Variants in MEI1 observed in about 807,000 individuals in gnomAD.
MEI1 encodes the protein meiotic double-stranded break formation protein 1.
MEI1 carries 103 observed loss-of-function variants against 146.2 expected under a neutral mutation model. The observed-to-expected ratio is 0.70, with a 90% confidence interval of 0.60 to 0.83. The LOEUF (loss-of-function observed/expected upper bound fraction) is 0.83, where lower values mean the gene tolerates loss of function less well. Ranked by LOEUF, MEI1 falls within the 40% of genes least tolerant of loss-of-function variation. MEI1 has a pLI of 0.00. For synonymous variants in MEI1, 652 were observed against 628.2 expected (o/e 1.04, Z -0.57); for missense variants, 1,529 against 1,533.0 (o/e 1.00, Z 0.04).
intron 7 of MEI1, among the ~76,000 whole-genome samples, chr22:41,729,451 G>A (rs1360814078): frequency 1.3e-5 from 2 of 152,202 alleles, no homozygotes; most frequent in Non-Finnish European, 2.9e-5. Context: ...GTTTTACATT[G>A]TGTTCTTTCC....
chr22:41,724,080 G>A lies in MEI1; in HGVS notation c.864+7G>A, dbSNP rs775648273. 3.3e-5 allele frequency: 54 copies of A among 1,613,102 alleles called. 2 individuals carry two copies. The Middle Eastern group carries it at 2.0e-3, about 59-fold the overall frequency. ...GCCTTTGGTGCTCAAAAAGGTAGTT[G>A]TCTTGTGATTCCTGGTCTCTAGGTT... On this transcript the variant is annotated splice_region_variant and intron_variant, in intron 7 of 30. Coordinates refer to ENST00000401548, the MANE Select transcript of MEI1 (RefSeq NM_152513.4).
At position 41,778,697 on chromosome 22, in the gene MEI1, G is replaced by T; in HGVS notation, c.2711-11G>T. The T allele has an allele frequency of 6.3e-7, 1 of 1,589,350 alleles. No individual in the cohort carries two copies. The highest frequency in any genetic ancestry group is 1.3e-5 in the African/African-American group (1 of 74,446). ...TCAGGCTTCTTGCCCAGTCCTCCTT[G>T]TTCTTCACAGCCTCGGGGAACCTAC... On this transcript the variant is annotated splice_polypyrimidine_tract_variant and intron_variant, in intron 21 of 30. Coordinates refer to ENST00000401548, the MANE Select transcript of MEI1 (RefSeq NM_152513.4).
intron 17 of MEI1, among the ~76,000 whole-genome samples, chr22:41,755,070 C>T (rs1054917617): frequency 2.0e-5 from 3 of 152,070 alleles, no homozygotes; most frequent in African/African-American, 7.2e-5. Flanking sequence ...AGTTTTTCCT[C>T]TTGTTGAACA....
chr22:41,727,684 A>G (rs1429003727), intron 7 of MEI1, among the ~76,000 whole-genome samples: 1 of 152,190 alleles, frequency 6.6e-6, no homozygotes. Context: ...ACTCATAGCT[A>G]CGATTTACGG....
chr22:41,795,821 A>G lies in MEI1; in HGVS notation c.3753A>G (p.Ser1251=). 3 of 1,613,638 alleles carry G rather than the reference A, an allele frequency of 1.9e-6. No individual in the cohort carries two copies. The highest frequency in any genetic ancestry group is 2.5e-6 in the Non-Finnish European group (3 of 1,179,736). The change falls in exon 30 of 31, where the codon TCA becomes TCG. Residue 1251 remains serine, a synonymous_variant. Coordinates refer to ENST00000401548, the MANE Select transcript of MEI1 (RefSeq NM_152513.4). This position sits in a 1 kb window ranked among gnomAD's most constrained non-coding sequence, Gnocchi z 4.2. Reference sequence around the variant, plus strand: ...AGGGCCTTCCCCCTAGCACCTCCTCAGGCCAGCCACCCCTGCAGGACATGC... The same window carrying G: ...AGGGCCTTCCCCCTAGCACCTCCTCGGGCCAGCCACCCCTGCAGGACATGC... ...SLEGLPPSTS[S]GQPPLQDMLC...
intron 15 of MEI1, among the ~76,000 whole-genome samples, chr22:41,751,985 A>T (rs2073785741): frequency 6.6e-6 from 1 of 151,448 alleles, no homozygotes; most frequent in Non-Finnish European, 1.5e-5. Flanking sequence ...CAGGAGAATC[A>T]CTTGAACCCG....
chr22:41,792,585 G>C (rs1209873022), intron 26 of MEI1, among the ~76,000 whole-genome samples: 1 of 152,108 alleles, frequency 6.6e-6, no homozygotes, highest in Non-Finnish European at 1.5e-5. Flanking sequence ...GAAGGGGCAG[G>C]TCAGTGGCAG....
intron 3 of MEI1, among the ~76,000 whole-genome samples, chr22:41,712,441 T>C (rs1463240306): frequency 6.6e-6 from 1 of 151,430 alleles, no homozygotes; most frequent in African/African-American, 2.4e-5. Flanking sequence ...TTCACCGTGT[T>C]AGCCAGGATG....
At chr22:41,770,570 G>T in intron 19 of MEI1, 116 bp from the exon 20 acceptor site, 1 of 978,800 alleles carries the variant, frequency 1.0e-6, no homozygotes, top group East Asian at 2.6e-5. Flanking sequence ...AGCTAGCCAA[G>T]GTGTCCTGGA....
rs773220846 is a variant in MEI1, at chr22:41,716,070, C to G, written c.453C>G (p.Ser151Arg). The G allele has an allele frequency of 2.5e-6, 4 of 1,611,492 alleles. No individual in the cohort carries two copies. The highest frequency in any genetic ancestry group is 2.5e-6 in the Non-Finnish European group (3 of 1,178,852). The change falls in exon 5 of 31, where the codon AGC becomes AGG. Residue 151 changes from serine to arginine, a missense_variant. Physicochemically the swap from Ser to Arg is moderately radical, Grantham distance 110. Around this residue, in one of 3 missense-constraint regions of MEI1, gnomAD observed 1,212 missense variants for 1,178.9 expected, o/e 1.03. Transcript: ENST00000401548. The stretch of plus-strand genomic sequence containing the variant: ...GTAACATGCCCTCCATGCGAGGCAG[C>G]CTGGCCACCCTGACCCTTCTTGGCA... Reference protein sequence around the residue: ...ELCNMPSMRGSLATLTLLGKL... With the variant: ...ELCNMPSMRGRLATLTLLGKL...
chr22:41,765,883 CTTTT>C (rs1013045266), intron 19 of MEI1, among the ~76,000 whole-genome samples: 1 of 86,134 alleles, frequency 1.2e-5, no homozygotes, highest in Non-Finnish European at 2.3e-5. Flanking sequence ...CCAAAATGTT[CTTTT>C]TTTTTTTTTT....
At chr22:41,716,265 C>T (rs1332085142) in intron 5 of MEI1, 119 bp downstream of exon 5, 1 of 658,774 alleles carries the variant, frequency 1.5e-6, no homozygotes, top group African/African-American at 1.8e-5. Context: ...CTTTAGCCTT[C>T]AGTTTCCCCG....
intron 25 of MEI1, 73 bp downstream of exon 25, chr22:41,784,493 C>T: frequency 2.5e-6 from 4 of 1,595,620 alleles, no homozygotes; most frequent in South Asian, 1.1e-5. Context: ...GCACCCTGAC[C>T]AGCCAATGGT....
intron 26 of MEI1, among the ~76,000 whole-genome samples, chr22:41,789,480 A>C (rs2076101113): frequency 6.6e-6 from 1 of 152,162 alleles, no homozygotes; most frequent in Admixed American, 6.5e-5. Context: ...TAATTGTAGT[A>C]AACTATATAT....
chr22:41,765,628 AATTTTT>A (rs2148000689), intron 19 of MEI1, among the ~76,000 whole-genome samples: 1 of 152,226 alleles, frequency 6.6e-6, no homozygotes, highest in South Asian at 2.1e-4. Context: ...CAGATTCACC[AATTTTT>A]ATTTTTATCT....
At chr22:41,746,287 G>A (rs527647012) in intron 14 of MEI1, among the ~76,000 whole-genome samples, 61 of 152,288 alleles carry the variant, frequency 4.0e-4, no homozygotes, top group African/African-American at 1.5e-3. Context: ...AGTGGAAAGT[G>A]CCTAATATTC....
In MEI1 at chr22:41,778,741, T is replaced by C; in HGVS notation, c.2744T>C (p.Leu915Pro). The C allele has an allele frequency of 6.2e-7, 1 of 1,608,762 alleles. No homozygotes were observed. The highest frequency in any genetic ancestry group is 8.5e-7 in the Non-Finnish European group (1 of 1,177,690). The change falls in exon 22 of 31, where the codon CTC becomes CCC. Residue 915 changes from leucine to proline, a missense_variant. Leu to Pro is a moderately conservative substitution (Grantham distance 98). Around this residue, in one of 3 missense-constraint regions of MEI1, gnomAD observed 1,212 missense variants for 1,178.9 expected, o/e 1.03. Transcript: ENST00000401548. ...SGNLPLLLSLLSLMQLRNVSE... is the reference protein window; with the variant it reads ...SGNLPLLLSLPSLMQLRNVSE... ...AACCTACCATTGCTGCTGAGCCTCC[T>C]CTCCCTGATGCAGCTCAGGAATGTG... is the stretch of plus-strand genomic sequence containing the variant.
At chr22:41,699,777 G>C in intron 1 of MEI1, 65 bp downstream of exon 1, 1 of 1,489,330 alleles carries the variant, frequency 6.7e-7, no homozygotes, top group Non-Finnish European at 8.9e-7. Flanking sequence ...AACGCGGCCA[G>C]GCCCTTGCCA....
chr22:41,733,368 G>C (rs1164837622), intron 11 of MEI1, among the ~76,000 whole-genome samples: 1 of 152,088 alleles, frequency 6.6e-6, no homozygotes, highest in Non-Finnish European at 1.5e-5. Context: ...AGGATTGCTT[G>C]AACCTGGGAA....
Sources: gnomAD v4.1 joint callset for allele counts (sites outside exome capture counted in the v4.1 genomes callset) on GRCh38, gnomAD v4.1.1 for gene constraint, gnomAD v4.1.1 regional missense constraint, Gnocchi (gnomAD v3.1) non-coding constraint, MANE v1.5 for transcripts, NCBI Gene and HGNC (gene_info 2026-07-23, HGNC 2026-07-21) for gene names.